SUGCT: variants seen among roughly 807,000 people sequenced by gnomAD.
SUGCT encodes succinyl-CoA:glutarate CoA-transferase.
A neutral mutation model predicts 55.0 loss-of-function variants in SUGCT; 41 were observed. That is an observed-to-expected ratio of 0.74 (90% CI 0.58 to 0.97). The LOEUF (loss-of-function observed/expected upper bound fraction) is 0.97, where lower values mean the gene tolerates loss of function less well. Ranked by LOEUF, SUGCT falls within the 50% of genes least tolerant of loss-of-function variation. The probability of loss-of-function intolerance (pLI) is 0.00; values close to 1 mark genes in which losing one functional copy is unlikely to be tolerated. For synonymous variants in SUGCT, 187 were observed against 200.4 expected, an observed-to-expected ratio of 0.93 and a Z score of 0.56; for missense variants, 568 against 547.8, an observed-to-expected ratio of 1.04 and a Z score of -0.37.
chr7:40,303,022 A>G (rs1794628859), intron 8 of SUGCT, among the ~76,000 whole-genome samples: 1 of 152,094 alleles, frequency 6.6e-6, no homozygotes, highest in South Asian at 2.1e-4. Context: ...CTTCACCAAG[A>G]AAGCCATTTT....
intron 13 of SUGCT, among the ~76,000 whole-genome samples, chr7:40,770,441 G>A (rs553932348): frequency 2.6e-4 from 39 of 152,256 alleles, no homozygotes; most frequent in South Asian, 6.2e-4. Flanking sequence ...TGCAGTACAA[G>A]ATGGCATTTC....
intron 8 of SUGCT, among the ~76,000 whole-genome samples, chr7:40,311,627 AC>A (rs760007291): frequency 1.3e-5 from 2 of 152,112 alleles, no homozygotes; most frequent in Non-Finnish European, 2.9e-5. Flanking sequence ...GAGCTTTCGC[AC>A]ATGTTACTCT....
intron 9 of SUGCT, among the ~76,000 whole-genome samples, chr7:40,340,833 A>G (rs2151176125): frequency 1.3e-5 from 2 of 152,338 alleles, no homozygotes; most frequent in Middle Eastern, 6.8e-3. Flanking sequence ...CACGGGGAAA[A>G]AAGGAGATCT....
chr7:40,860,184 T>C, intron 13 of SUGCT, 132 bp from the exon 14 acceptor site: 1 of 1,027,278 alleles, frequency 9.7e-7, no homozygotes, highest in Non-Finnish European at 1.5e-6. Flanking sequence ...AAAACGTTGA[T>C]GCATCTGGAA....
chr7:40,513,730 G>A (rs1482198072), intron 12 of SUGCT, among the ~76,000 whole-genome samples: 2 of 151,884 alleles, frequency 1.3e-5, no homozygotes, highest in Non-Finnish European at 2.9e-5. Context: ...ATTTAAATTA[G>A]GGGATTCTCC....
intron 13 of SUGCT, among the ~76,000 whole-genome samples, chr7:40,754,101 G>C (rs1244572684): frequency 6.6e-6 from 1 of 152,130 alleles, no homozygotes; most frequent in Non-Finnish European, 1.5e-5. Context: ...CTAAGTGTGA[G>C]TTTTAGTTAT....
At chr7:40,135,403 T>A (rs567437647) in intron 1 of SUGCT, among the ~76,000 whole-genome samples, 19 of 152,352 alleles carry the variant, frequency 1.2e-4, no homozygotes, top group African/African-American at 4.6e-4. Context: ...GCCTCTTTAC[T>A]CCTGTCCTTT....
chr7:40,686,793 A>G (rs866284826), intron 12 of SUGCT, among the ~76,000 whole-genome samples: 31 of 152,068 alleles, frequency 2.0e-4, no homozygotes, highest in African/African-American at 7.2e-4. Context: ...TTTTCAGTTA[A>G]TTGTCTGGTT....
chr7:40,358,784 C>T (rs781476387), intron 9 of SUGCT, among the ~76,000 whole-genome samples: 7 of 151,908 alleles, frequency 4.6e-5, no homozygotes, highest in Non-Finnish European at 1.0e-4. Flanking sequence ...ACAGAATTTT[C>T]GACAAAGAAA....
intron 8 of SUGCT, among the ~76,000 whole-genome samples, chr7:40,315,491 C>T (rs1260119982): frequency 6.6e-6 from 1 of 152,222 alleles, no homozygotes; most frequent in African/African-American, 2.4e-5. Context: ...AACCAGCTGC[C>T]ACAGGCAGTT....
chr7:40,397,846 T>C (rs908369248), intron 9 of SUGCT, among the ~76,000 whole-genome samples: 17 of 152,144 alleles, frequency 1.1e-4, no homozygotes, highest in African/African-American at 4.1e-4. Context: ...CCATATCCCT[T>C]CTGTCCACTC....
chr7:40,193,860 C>T (rs1159894695), intron 5 of SUGCT, among the ~76,000 whole-genome samples: 1 of 152,130 alleles, frequency 6.6e-6, no homozygotes, highest in Non-Finnish European at 1.5e-5. Flanking sequence ...CTCGGCCTCC[C>T]AAAGTGCTGG....
chr7:40,699,098 C>T (rs1020615595), intron 12 of SUGCT, among the ~76,000 whole-genome samples: 8 of 152,168 alleles, frequency 5.3e-5, no homozygotes, highest in Admixed American at 4.6e-4. Flanking sequence ...ACAGAATTCA[C>T]CTGGTTTTCG....
rs140725620 is a variant in SUGCT, at chr7:40,327,176, C to T, written c.816+10321C>T. ...CCCCTTTAGTTCTAAAGTTTTTGGC[C>T]AGGTAGCTTTTGAATATTTGCCTTT... On this transcript the variant is annotated intron_variant, in intron 9 of 13. Transcript: ENST00000335693. 1.2e-3 allele frequency among the ~76,000 whole-genome samples: 185 copies of T among 152,256 alleles called. No homozygotes were observed. The Middle Eastern group carries it at 0.017, about 14-fold the overall frequency.
rs560144020 is a variant in SUGCT at position 40,240,009 on chromosome 7, G to A, written c.576+2283G>A. Among the ~76,000 whole-genome samples, 3 of 152,140 alleles carry A rather than the reference G, an allele frequency of 2.0e-5. No individual in the cohort carries two copies. The South Asian group carries it at 6.2e-4, about 31-fold the overall frequency. On this transcript the variant is annotated intron_variant, in intron 7 of 13. Transcript: ENST00000335693. Reference sequence around the variant, plus strand: ...GCACAGTCCTTATCTTCCTATAGCTGTTAAGTAGGGAAAACAAACATTAGC... The same window carrying A: ...GCACAGTCCTTATCTTCCTATAGCTATTAAGTAGGGAAAACAAACATTAGC...
chr7:40,739,601 T>C (rs553274780), intron 12 of SUGCT, among the ~76,000 whole-genome samples: 10 of 152,332 alleles, frequency 6.6e-5, no homozygotes, highest in African/African-American at 2.4e-4. Context: ...GAGCTTTATG[T>C]TGAGTTTCTT....
intron 12 of SUGCT, among the ~76,000 whole-genome samples, chr7:40,497,682 C>A (rs896225569): frequency 1.3e-5 from 2 of 152,036 alleles, no homozygotes; most frequent in Non-Finnish European, 2.9e-5. Flanking sequence ...TGAGGCCAAG[C>A]CATCATTTGA....
intron 5 of SUGCT, among the ~76,000 whole-genome samples, 177 bp downstream of exon 5, chr7:40,189,771 T>A (rs2150734680): frequency 6.6e-6 from 1 of 152,312 alleles, no homozygotes; most frequent in East Asian, 1.9e-4. Context: ...GTGCTTTAAA[T>A]TTTTTGTATA....
At chr7:40,700,937 G>A (rs1293524298) in intron 12 of SUGCT, among the ~76,000 whole-genome samples, 1 of 152,116 alleles carries the variant, frequency 6.6e-6, no homozygotes, top group Non-Finnish European at 1.5e-5. Context: ...CTTGTAAGTA[G>A]CTTCCTGTAG....
Sources: gnomAD v4.1 joint callset for allele counts (sites outside exome capture counted in the v4.1 genomes callset) on GRCh38, gnomAD v4.1.1 for gene constraint, MANE v1.5 for transcripts, NCBI Gene and HGNC (gene_info 2026-07-23, HGNC 2026-07-21) for gene names.